The following SBF2 variants were observed in gnomAD, a reference collection of about 807,000 sequenced individuals.
SBF2 encodes the protein SET binding factor 2.
In SBF2, 112 loss-of-function variants were observed where a neutral mutation model predicts 225.2. That is an observed-to-expected ratio of 0.50 (90% CI 0.43 to 0.58). SBF2 has a LOEUF of 0.58. Among genes scored for constraint, SBF2 ranks in the 20% least tolerant of loss-of-function variants. SBF2 has a pLI of 0.00. For synonymous variants in SBF2, 763 were observed against 773.3 expected (o/e 0.99, Z 0.22); for missense variants, 1,996 against 2,206.2 (o/e 0.90, Z 1.91).
chr11:9,809,696 C>T (rs1165149245), intron 30 of SBF2, among the ~76,000 whole-genome samples: 2 of 152,000 alleles, frequency 1.3e-5, no homozygotes, highest in African/African-American at 4.8e-5. Flanking sequence ...AGGTGCATAC[C>T]AGTGCACCCG....
In SBF2 at chr11:9,989,414, G is replaced by A. The variant is rs545119342; in HGVS notation, c.1395+83C>T. 40 of 865,842 alleles carry A rather than the reference G, an allele frequency of 4.6e-5. No homozygotes were observed. The African/African-American group carries it at 4.9e-4, about 11-fold the overall frequency. 53.6% of individuals were successfully genotyped at this position (865,842 alleles called of 1,614,324 possible). The stretch of plus-strand genomic sequence containing the variant: ...CTAAAGAGCTCACTCACGTAACCAC[G>A]TAACACCCGTACCCCAATAACTTAC... On this transcript the variant is annotated intron_variant, in intron 13 of 39. Coordinates refer to ENST00000256190, the MANE Select transcript of SBF2 (RefSeq NM_030962.4).
At chr11:9,809,635 C>G (rs1263176778) in intron 30 of SBF2, among the ~76,000 whole-genome samples, 2 of 151,942 alleles carry the variant, frequency 1.3e-5, no homozygotes, top group South Asian at 2.1e-4. Flanking sequence ...ACCTCTGCCC[C>G]CCGGGTTCAA....
chr11:10,152,442 G>C (rs1033427665), intron 2 of SBF2, among the ~76,000 whole-genome samples: 1 of 151,952 alleles, frequency 6.6e-6, no homozygotes, highest in Non-Finnish European at 1.5e-5. Flanking sequence ...CCAGCTGGTC[G>C]GGAGGCTGAG....
At chr11:10,075,814 G>C (rs963796681) in intron 2 of SBF2, among the ~76,000 whole-genome samples, 3 of 152,074 alleles carry the variant, frequency 2.0e-5, no homozygotes, top group South Asian at 2.1e-4. Context: ...GACTAACACA[G>C]TAATTGATGA....
intron 32 of SBF2, among the ~76,000 whole-genome samples, chr11:9,804,750 G>A (rs564444129): frequency 2.7e-4 from 41 of 152,130 alleles, no homozygotes; most frequent in Non-Finnish European, 5.3e-4. Context: ...TCACAAGATT[G>A]GTCAGTCTTT....
At chr11:10,233,728 C>T (rs1429318900) in intron 1 of SBF2, among the ~76,000 whole-genome samples, 3 of 152,082 alleles carry the variant, frequency 2.0e-5, no homozygotes, top group Non-Finnish European at 4.4e-5. Flanking sequence ...CTATTAGAGC[C>T]TTCAGGTTCT....
chr11:9,874,089 G>A (rs1184116992), intron 17 of SBF2, among the ~76,000 whole-genome samples: 1 of 151,876 alleles, frequency 6.6e-6, no homozygotes, highest in Non-Finnish European at 1.5e-5. Flanking sequence ...TTCTTTCCTT[G>A]TGTGACTGAG....
chr11:9,992,231 T>G lies in SBF2; in HGVS notation c.1296+184A>C, dbSNP rs1590699275. ...TATGTATTTCCAAGGCATCTTATAATTTTTTGTAATTTTTATAATCCACAT... is the reference window on the plus strand; with the variant it reads ...TATGTATTTCCAAGGCATCTTATAAGTTTTTGTAATTTTTATAATCCACAT... On this transcript the variant is annotated intron_variant, in intron 12 of 39. Coordinates refer to ENST00000256190, the MANE Select transcript of SBF2 (RefSeq NM_030962.4). 4.6e-5 allele frequency among the ~76,000 whole-genome samples: 7 copies of G among 152,282 alleles called. 1 individual carries two copies. Among genetic ancestry groups the G allele is most frequent in the Admixed American group, 4.6e-4 (7 of 15,300 alleles).
chr11:10,080,670 G>A (rs893158435), intron 2 of SBF2, among the ~76,000 whole-genome samples: 2 of 152,008 alleles, frequency 1.3e-5, no homozygotes, highest in African/African-American at 2.4e-5. Context: ...ATACAGATTC[G>A]TGGAATGAAT....
At chr11:9,858,797 T>C (rs1173973804) in intron 17 of SBF2, among the ~76,000 whole-genome samples, 1 of 152,196 alleles carries the variant, frequency 6.6e-6, no homozygotes, top group Admixed American at 6.5e-5. Flanking sequence ...GGGTACTCTT[T>C]TTAAAGAGAC....
chr11:9,965,699 T>G (rs957509274), intron 14 of SBF2, among the ~76,000 whole-genome samples: 2 of 152,220 alleles, frequency 1.3e-5, no homozygotes, highest in African/African-American at 4.8e-5. Flanking sequence ...TCTTTCATAA[T>G]TATGCTTTAT....
chr11:10,144,474 C>T (rs1223028497), intron 2 of SBF2, among the ~76,000 whole-genome samples: 2 of 151,874 alleles, frequency 1.3e-5, no homozygotes, highest in Admixed American at 6.6e-5. Flanking sequence ...AGTGACAGAG[C>T]AAGACCCTAT....
intron 13 of SBF2, among the ~76,000 whole-genome samples, chr11:9,979,002 C>A (rs150107754): frequency 6.6e-6 from 1 of 152,180 alleles, no homozygotes; most frequent in Non-Finnish European, 1.5e-5. Flanking sequence ...TTGTCTCAAA[C>A]AAACAAAAAG....
chr11:9,903,887 C>G (rs1318720060), intron 16 of SBF2, among the ~76,000 whole-genome samples: 2 of 152,132 alleles, frequency 1.3e-5, no homozygotes, highest in Non-Finnish European at 2.9e-5. Context: ...TCTTAATGCT[C>G]ATGCCCAGGA....
At chr11:10,028,175 A>G (rs1949117459) in intron 6 of SBF2, among the ~76,000 whole-genome samples, 1 of 152,030 alleles carries the variant, frequency 6.6e-6, no homozygotes, top group African/African-American at 2.4e-5. Flanking sequence ...CGGCCTCCCA[A>G]AGTACTGTGA....
intron 2 of SBF2, among the ~76,000 whole-genome samples, chr11:10,158,245 C>T (rs921137242): frequency 3.3e-5 from 5 of 151,812 alleles, no homozygotes; most frequent in African/African-American, 1.2e-4. Context: ...AAACAAAGAT[C>T]TCAAACAAAC....
At chr11:10,298,985 A>G (rs1964572422), upstream of SBF2, among the ~76,000 whole-genome samples, 1 of 152,200 alleles carries the variant, frequency 6.6e-6, no homozygotes, top group Non-Finnish European at 1.5e-5. Flanking sequence ...TATAGCAAAC[A>G]CACCATTTCT....
At chr11:9,824,210 T>A (rs1854933803) in intron 28 of SBF2, among the ~76,000 whole-genome samples, 1 of 152,078 alleles carries the variant, frequency 6.6e-6, no homozygotes, top group Non-Finnish European at 1.5e-5. Flanking sequence ...TTCCCTTGTA[T>A]AAAAGAAGCC....
At chr11:9,852,580 A>T in intron 21 of SBF2, 96 bp downstream of exon 21, 1 of 885,608 alleles carries the variant, frequency 1.1e-6, no homozygotes, top group Non-Finnish European at 1.9e-6. Flanking sequence ...AGTGTCTGTC[A>T]AAGGTTAGGT....
Sources: allele counts gnomAD v4.1 joint callset (sites outside exome capture counted in the v4.1 genomes callset), GRCh38; gene constraint gnomAD v4.1.1; transcripts MANE v1.5; gene names NCBI Gene and HGNC (gene_info 2026-07-23, HGNC 2026-07-21).